The following PGAP1 variants were observed in gnomAD, a reference collection of about 807,000 sequenced individuals.
PGAP1 encodes post-GPI attachment to proteins inositol deacylase 1, also known as GPI inositol-deacylase.
PGAP1 carries 76 observed loss-of-function variants against 127.0 expected under a neutral mutation model. That is an observed-to-expected ratio of 0.60 (90% confidence interval 0.50 to 0.72). The LOEUF is 0.72. PGAP1 is among the 30% of genes least tolerant of loss of function. PGAP1 has a pLI of 0.00. For missense variants in PGAP1, 982 were observed against 1,071.3 expected, an observed-to-expected ratio of 0.92 and a Z score of 1.16; for synonymous variants, 362 against 366.5, an observed-to-expected ratio of 0.99 and a Z score of 0.14.
chr2:196,875,104 T>C (rs1047092236), intron 14 of PGAP1, among the ~76,000 whole-genome samples: 14 of 152,120 alleles, frequency 9.2e-5, no homozygotes, highest in African/African-American at 3.1e-4. Flanking sequence ...GGTTTCAAAG[T>C]TGTGAAAGAC....
At chr2:196,862,607 C>T (rs1361842766) in intron 20 of PGAP1, among the ~76,000 whole-genome samples, 7 of 152,304 alleles carry the variant, frequency 4.6e-5, no homozygotes, top group Non-Finnish European at 7.4e-5. Context: ...CGGAACCTAC[C>T]AACATGTGAT....
chr2:196,913,377 T>G (rs1357137367), intron 3 of PGAP1, among the ~76,000 whole-genome samples: 1 of 152,202 alleles, frequency 6.6e-6, no homozygotes, highest in African/African-American at 2.4e-5. Flanking sequence ...TACCAGATTA[T>G]TAGGTTTTAC....
intron 20 of PGAP1, among the ~76,000 whole-genome samples, chr2:196,855,503 G>A (rs918715120): frequency 6.6e-6 from 1 of 151,972 alleles, no homozygotes; most frequent in African/African-American, 2.4e-5. Context: ...GATGGGCTCA[G>A]GAAACTGCTA....
chr2:196,843,690 C>A (rs1438847354), intron 25 of PGAP1, among the ~76,000 whole-genome samples, 198 bp downstream of exon 25: 1 of 151,992 alleles, frequency 6.6e-6, no homozygotes, highest in Non-Finnish European at 1.5e-5. Context: ...GATCGCGCCA[C>A]TGCACTCCAC....
chr2:196,900,893 C>T (rs1702464637), intron 5 of PGAP1, among the ~76,000 whole-genome samples: 1 of 152,022 alleles, frequency 6.6e-6, no homozygotes. Context: ...CGCCACTGCA[C>T]TCCAGCCTGG....
At position 196,880,203 on chromosome 2, in the gene PGAP1, T is replaced by G. The variant is rs185159031; in HGVS notation, c.1273-50A>C. 3 of 1,132,144 alleles carry G rather than the reference T, an allele frequency of 2.6e-6. No homozygotes were observed. In the South Asian group the frequency reaches 4.5e-5, roughly 17 times the overall value. 70.1% of individuals were successfully genotyped at this position (1,132,144 alleles called of 1,614,324 possible). A position where few individuals can be genotyped will look rare whatever the true frequency, so the allele number is the denominator to read the frequency against. The stretch of plus-strand genomic sequence containing the variant: ...CTTTTATTTCTTAGAGATTAATGCA[T>G]GTTTAAAGAAAAATAAATAACACTT... On this transcript the variant is annotated intron_variant, in intron 12 of 26. Coordinates refer to ENST00000354764, the MANE Select transcript of PGAP1 (RefSeq NM_024989.4).
chr2:196,897,164 T>C lies in PGAP1; in HGVS notation c.894A>G (p.Ala298=), dbSNP rs1316516202. The part of the protein sequence containing the change: ...CKQLQLTTVR[A]FFDLIDADTK... ...TATCAGCATCAATAAGATCAAAGAA[T>C]GCTCGAACTGTAGTCAACTGCAATT... The change falls in exon 7 of 27, where the codon GCA becomes GCG. Residue 298 remains alanine, a synonymous_variant. Coordinates refer to ENST00000354764, the MANE Select transcript of PGAP1 (RefSeq NM_024989.4). 3.2e-6 allele frequency: 5 copies of C among 1,584,848 alleles called. No homozygotes were observed. The highest frequency in any genetic ancestry group is 2.6e-6 in the Non-Finnish European group (3 of 1,163,762).
chr2:196,914,154 T>TC (rs1389897407), intron 3 of PGAP1, among the ~76,000 whole-genome samples: 1 of 152,202 alleles, frequency 6.6e-6, no homozygotes, highest in Non-Finnish European at 1.5e-5. Flanking sequence ...AGTACCTCAC[T>TC]CTAGCAATCC....
chr2:196,858,378 G>A (rs1460049438), intron 20 of PGAP1, among the ~76,000 whole-genome samples: 4 of 150,932 alleles, frequency 2.7e-5, no homozygotes, highest in Non-Finnish European at 5.9e-5. Context: ...CTCCAGCCTG[G>A]GCGACAGAGC....
chr2:196,925,831 G>A (rs1703342133), intron 1 of PGAP1, among the ~76,000 whole-genome samples: 1 of 152,122 alleles, frequency 6.6e-6, no homozygotes, highest in Non-Finnish European at 1.5e-5. Context: ...TGCAAAATAA[G>A]AGGATCTGCA....
chr2:196,892,329 A>T lies in PGAP1; in HGVS notation c.1089+17T>A, dbSNP rs1214669127. On this transcript the variant is annotated intron_variant, in intron 9 of 26. Coordinates refer to ENST00000354764, the MANE Select transcript of PGAP1 (RefSeq NM_024989.4). Reference sequence around the variant, plus strand: ...CTGGAAAAAACATGAAAAAAAATCCATTGGTGGAATACTTACGTTGTAAGC... The same window carrying T: ...CTGGAAAAAACATGAAAAAAAATCCTTTGGTGGAATACTTACGTTGTAAGC... 4 of 1,290,738 alleles carry T rather than the reference A, an allele frequency of 3.1e-6. No individual in the cohort carries two copies. The East Asian group carries it at 7.3e-5, about 24-fold the overall frequency. The allele number at this position is 1,290,738 out of a possible 1,614,324, so 80.0% of individuals were successfully genotyped here.
At chr2:196,841,412 T>C (rs760315116) in intron 26 of PGAP1, 40 bp from the exon 27 acceptor site, 2 of 1,517,324 alleles carry the variant, frequency 1.3e-6, no homozygotes, top group Non-Finnish European at 1.8e-6. Flanking sequence ...TTATGTGAAC[T>C]ACATTGTGAG....
At chr2:196,854,924 T>C (rs2125784945) in intron 20 of PGAP1, among the ~76,000 whole-genome samples, 1 of 152,250 alleles carries the variant, frequency 6.6e-6, no homozygotes, top group African/African-American at 2.4e-5. Context: ...ACTGCAGGCA[T>C]GTGCCACCAT....
Position 196,892,400 on chromosome 2 carries a change from C to T in PGAP1, c.1035G>A (p.Gly345=). ...ENPAIISDLT[G]TSMWVLVKVS... Reference sequence around the variant, plus strand: ...CTTTTACTAGAACCCACATAGATGTCCCTGAAGGTAAAGGAAATTAATTTA... The same window carrying T: ...CTTTTACTAGAACCCACATAGATGTTCCTGAAGGTAAAGGAAATTAATTTA... The change falls in exon 9 of 27, where the codon GGG becomes GGA. Residue 345 remains glycine, a splice_region_variant and synonymous_variant. Coordinates refer to ENST00000354764, the MANE Select transcript of PGAP1 (RefSeq NM_024989.4). 7.1e-7 allele frequency: 1 copy of T among 1,407,308 alleles called. No individual in the cohort carries two copies. The highest frequency in any genetic ancestry group is 2.4e-5 in the East Asian group (1 of 42,062). The allele number at this position is 1,407,308 out of a possible 1,614,324, so 87.2% of individuals were successfully genotyped here. A position where few individuals can be genotyped will look rare whatever the true frequency, so the allele number is the denominator to read the frequency against.
chr2:196,897,679 T>C (rs978292986), intron 6 of PGAP1, among the ~76,000 whole-genome samples: 5 of 152,194 alleles, frequency 3.3e-5, no homozygotes, highest in Non-Finnish European at 5.9e-5. Flanking sequence ...CTGCCGGTGA[T>C]TGGCCAGAAG....
intron 4 of PGAP1, among the ~76,000 whole-genome samples, chr2:196,903,840 C>T (rs550364453): frequency 1.3e-5 from 2 of 152,108 alleles, no homozygotes; most frequent in Admixed American, 1.3e-4. Flanking sequence ...GAGGCTAGGG[C>T]AGGGGATTTC....
intron 5 of PGAP1, among the ~76,000 whole-genome samples, chr2:196,902,251 T>G (rs1035880856): frequency 1.3e-5 from 2 of 152,156 alleles, no homozygotes; most frequent in Non-Finnish European, 2.9e-5. Context: ...TTGCCTAGGC[T>G]GATCTTGAAC....
At chr2:196,903,562 A>C in intron 4 of PGAP1, among the ~76,000 whole-genome samples, 1 of 998 alleles carries the variant, frequency 1.0e-3, no homozygotes, top group Non-Finnish European at 2.5e-3. Context: ...CTCTGTCTCA[A>C]AAAAAAAAAA....
chr2:196,842,454 C>T (rs755002796), intron 26 of PGAP1, among the ~76,000 whole-genome samples: 4 of 152,054 alleles, frequency 2.6e-5, no homozygotes, highest in Non-Finnish European at 5.9e-5. Context: ...TATCTCCATC[C>T]ACTTCTCTTG....
Sources: gnomAD v4.1 joint callset for allele counts (sites outside exome capture counted in the v4.1 genomes callset) on GRCh38, gnomAD v4.1.1 for gene constraint, MANE v1.5 for transcripts, NCBI Gene and HGNC (gene_info 2026-07-23, HGNC 2026-07-21) for gene names.